TRERF1: variants seen among roughly 807,000 people sequenced by gnomAD.
TRERF1 encodes the protein transcriptional-regulating factor 1.
A neutral mutation model predicts 122.9 loss-of-function variants in TRERF1; 27 were observed. That is an observed-to-expected ratio of 0.22 (90% CI 0.16 to 0.30). TRERF1 has a LOEUF of 0.30. Ranked by LOEUF, TRERF1 falls within the 10% of genes least tolerant of loss-of-function variation. The pLI is 1.00. For synonymous variants in TRERF1, 636 were observed against 641.7 expected, an observed-to-expected ratio of 0.99 and a Z score of 0.13; for missense variants, 1,248 against 1,560.3, an observed-to-expected ratio of 0.80 and a Z score of 3.37.
intron 2 of TRERF1, among the ~76,000 whole-genome samples, chr6:42,376,828 A>G (rs988172389): frequency 6.6e-6 from 1 of 151,690 alleles, no homozygotes; most frequent in African/African-American, 2.4e-5. Context: ...GGCGTGAGCC[A>G]CCGCACCTGG....
At chr6:42,321,136 A>T (rs1561984501) in intron 3 of TRERF1, among the ~76,000 whole-genome samples, 1 of 147,606 alleles carries the variant, frequency 6.8e-6, no homozygotes, top group African/African-American at 2.6e-5. Flanking sequence ...CAGCCAGGTT[A>T]TCTATTCTTC....
At chr6:42,351,701 G>A (rs1172349264) in intron 3 of TRERF1, among the ~76,000 whole-genome samples, 1 of 152,130 alleles carries the variant, frequency 6.6e-6, no homozygotes, top group Non-Finnish European at 1.5e-5. Flanking sequence ...AGCACCCCTT[G>A]TATCTAGGTG....
chr6:42,357,151 A>C (rs1052666209), intron 3 of TRERF1, among the ~76,000 whole-genome samples: 4 of 151,664 alleles, frequency 2.6e-5, no homozygotes, highest in African/African-American at 9.7e-5. Flanking sequence ...CAACATGGTG[A>C]AACCCTGTTT....
At chr6:42,265,937 G>T in intron 5 of TRERF1, 140 bp from the exon 6 acceptor site, 1 of 830,722 alleles carries the variant, frequency 1.2e-6, no homozygotes. Context: ...CCCCATTCAT[G>T]TCCACTCACT....
intron 2 of TRERF1, among the ~76,000 whole-genome samples, chr6:42,400,559 C>T (rs957036406): frequency 3.9e-5 from 6 of 152,196 alleles, no homozygotes; most frequent in African/African-American, 1.2e-4. Flanking sequence ...CCCACCACCA[C>T]CAGGGCCCAT....
chr6:42,438,412 C>A (rs1199413144), intron 2 of TRERF1, among the ~76,000 whole-genome samples: 1 of 151,108 alleles, frequency 6.6e-6, no homozygotes. Context: ...GAGTTCGAGA[C>A]CAGCCTGGGC....
intron 3 of TRERF1, among the ~76,000 whole-genome samples, chr6:42,328,798 T>C (rs1764744603): frequency 6.6e-6 from 1 of 152,150 alleles, no homozygotes; most frequent in South Asian, 2.1e-4. Flanking sequence ...GTTTACTTTC[T>C]AGGCCATGGG....
At chr6:42,253,108 T>G (rs556500251) in intron 13 of TRERF1, among the ~76,000 whole-genome samples, 11 of 152,292 alleles carry the variant, frequency 7.2e-5, no homozygotes, top group African/African-American at 2.6e-4. Flanking sequence ...TTTGGTAATA[T>G]TTTAGTGTTT....
chr6:42,241,897 A>T (rs13437137), intron 15 of TRERF1, among the ~76,000 whole-genome samples: 38,148 of 152,098 alleles, frequency 0.25, 6,289 homozygotes, highest in African/African-American at 0.47. Flanking sequence ...GAGTCTGAGA[A>T]CAGCCTGGGC....
chr6:42,433,145 T>A (rs1418621110), intron 2 of TRERF1, among the ~76,000 whole-genome samples: 6 of 152,062 alleles, frequency 3.9e-5, no homozygotes, highest in Non-Finnish European at 8.8e-5. Context: ...TAGCTACTGT[T>A]TTCCCTCAGG....
At chr6:42,445,361 C>CAA (rs758760318) in intron 2 of TRERF1, among the ~76,000 whole-genome samples, 2 of 58,630 alleles carry the variant, frequency 3.4e-5, no homozygotes, top group African/African-American at 9.5e-5. Flanking sequence ...CAGACACACA[C>CAA]ACACACACAC....
In TRERF1 at chr6:42,334,923, T is replaced by C. The variant is rs927702981; in HGVS notation, c.-371+28074A>G. On this transcript the variant is annotated intron_variant, in intron 3 of 17. Transcript: ENST00000372922. ...CTCCTGGCTCACTGAGCTTCATCTT[T>C]GGTGAGGTGATGGGAATTGGCCCAG... Among the ~76,000 whole-genome samples, 8 of 152,322 alleles carry C rather than the reference T, an allele frequency of 5.3e-5. No individual in the cohort carries two copies. In the East Asian group the frequency reaches 7.7e-4, roughly 15 times the overall value.
chr6:42,378,633 C>T (rs942015258), intron 2 of TRERF1, among the ~76,000 whole-genome samples: 16 of 152,116 alleles, frequency 1.1e-4, no homozygotes, highest in East Asian at 3.9e-4. Context: ...CAAAGACCCC[C>T]GAAGCCCATC....
intron 15 of TRERF1, 38 bp from the exon 16 acceptor site, chr6:42,236,449 C>T: frequency 1.3e-6 from 2 of 1,542,678 alleles, no homozygotes; most frequent in Non-Finnish European, 1.7e-6. Flanking sequence ...GGGAAAATCC[C>T]CAAATGGCAT....
rs1236407161 is a variant in TRERF1 at position 42,393,004 on chromosome 6, C to G, written c.-453-29925G>C. The stretch of plus-strand genomic sequence containing the variant: ...TATAAATACTCCCACTATGGCGTTT[C>G]AAGCTGCCGACGCGAGGGCCACTGG... On this transcript the variant is annotated intron_variant, in intron 2 of 17. Transcript: ENST00000372922. This position sits in a 1 kb window ranked among gnomAD's most constrained non-coding sequence, Gnocchi z 4.1. Among the ~76,000 whole-genome samples, 1 of 151,746 alleles carries G rather than the reference C, an allele frequency of 6.6e-6. No individual in the cohort carries two copies. Among genetic ancestry groups the G allele is most frequent in the East Asian group, 1.9e-4 (1 of 5,168 alleles).
At chr6:42,287,435 G>T (rs944106294) in intron 4 of TRERF1, among the ~76,000 whole-genome samples, 2 of 152,104 alleles carry the variant, frequency 1.3e-5, no homozygotes, top group African/African-American at 4.8e-5. Flanking sequence ...GAAACCCTCT[G>T]CTCCTAAAGG....
intron 15 of TRERF1, among the ~76,000 whole-genome samples, chr6:42,239,145 G>A (rs768124890): frequency 1.3e-5 from 2 of 152,176 alleles, no homozygotes; most frequent in African/African-American, 2.4e-5. Flanking sequence ...CCAAAGGGAA[G>A]GAGGATGTTT....
chr6:42,269,235 C>T lies in TRERF1; in HGVS notation c.356G>A (p.Gly119Asp), dbSNP rs61756353. Residue 119 changes from glycine (G) to aspartate (D), a missense_variant, in exon 5 of 18, where the codon GGC becomes GAC. By Grantham distance (94) the Gly-to-Asp change is moderately conservative. Transcript: ENST00000372922. The surrounding 1 kb of genome is among the most constrained non-coding windows in gnomAD (Gnocchi z 4.9). ...GGCCTGGGAGTAGGTGTATTGGTAGCCATCAGTGGGCTCAGCCTGGGCTGG... is the reference window on the plus strand; with the variant it reads ...GGCCTGGGAGTAGGTGTATTGGTAGTCATCAGTGGGCTCAGCCTGGGCTGG... The T allele has an allele frequency of 4.1e-3, 6,673 of 1,614,178 alleles. 34 individuals are homozygous for T. Among genetic ancestry groups the T allele is most frequent in the South Asian group, 0.016 (1,478 of 91,090 alleles).
chr6:42,359,794 G>T (rs1369119883), intron 3 of TRERF1, among the ~76,000 whole-genome samples: 1 of 152,108 alleles, frequency 6.6e-6, no homozygotes, highest in Non-Finnish European at 1.5e-5. Flanking sequence ...GTCATGACAG[G>T]CCATCAACTA....
Sources: allele counts gnomAD v4.1 joint callset (sites outside exome capture counted in the v4.1 genomes callset), GRCh38; gene constraint gnomAD v4.1.1; non-coding constraint Gnocchi (gnomAD v3.1); transcripts MANE v1.5; gene names NCBI Gene and HGNC (gene_info 2026-07-23, HGNC 2026-07-21).